The following SHROOM3 variants were observed in gnomAD, a reference collection of about 807,000 sequenced individuals.
The protein encoded by SHROOM3 is protein Shroom3.
In SHROOM3, 47 loss-of-function variants were observed where a neutral mutation model predicts 138.6. The ratio of observed to expected loss-of-function variants is 0.34; its 90% CI spans 0.27 to 0.43. The LOEUF (loss-of-function observed/expected upper bound fraction) is 0.43, where lower values mean the gene tolerates loss of function less well. Among genes scored for constraint, SHROOM3 ranks in the 20% least tolerant of loss-of-function variants. The pLI is 1.00. For synonymous variants in SHROOM3, 1,062 were observed against 1,063.3 expected (o/e 1.00, Z 0.02); for missense variants, 2,491 against 2,596.5 (o/e 0.96, Z 0.88).
chr4:76,726,369 T>C (rs1720704438), intron 3 of SHROOM3, among the ~76,000 whole-genome samples: 2 of 151,932 alleles, frequency 1.3e-5, no homozygotes, highest in South Asian at 4.2e-4. Flanking sequence ...ACTTATCTTC[T>C]CTCAAAGGCC....
At chr4:76,486,464 G>C (rs959834786) in intron 1 of SHROOM3, among the ~76,000 whole-genome samples, 11 of 152,132 alleles carry the variant, frequency 7.2e-5, no homozygotes, top group Non-Finnish European at 2.9e-5. Flanking sequence ...ATACCTGTTG[G>C]GAATAAACCC....
intron 1 of SHROOM3, among the ~76,000 whole-genome samples, chr4:76,460,700 C>T (rs1731122150): frequency 1.3e-5 from 2 of 151,582 alleles, no homozygotes; most frequent in East Asian, 3.9e-4. Context: ...CAAATTTCCT[C>T]TTAGAAGAGG....
chr4:76,729,139 C>T (rs1324941328), intron 3 of SHROOM3, among the ~76,000 whole-genome samples: 2 of 152,140 alleles, frequency 1.3e-5, no homozygotes, highest in Non-Finnish European at 2.9e-5. Flanking sequence ...TCAATAGGTT[C>T]TACTATAATC....
At chr4:76,753,210 C>G (rs1721689025) in intron 6 of SHROOM3, among the ~76,000 whole-genome samples, 1 of 152,148 alleles carries the variant, frequency 6.6e-6, no homozygotes, top group Non-Finnish European at 1.5e-5. Context: ...GGGGTTGCAT[C>G]AGAGAGAGAG....
chr4:76,453,843 C>T (rs185021633), intron 1 of SHROOM3, among the ~76,000 whole-genome samples: 9 of 152,220 alleles, frequency 5.9e-5, no homozygotes, highest in Admixed American at 1.3e-4. Flanking sequence ...TTTTACTCTG[C>T]GGATAGTGTC....
chr4:76,674,574 T>C (rs1482098755), intron 2 of SHROOM3, among the ~76,000 whole-genome samples: 1 of 146,472 alleles, frequency 6.8e-6, no homozygotes, highest in African/African-American at 2.5e-5. Flanking sequence ...TTTTTTTTTT[T>C]TTGTTTTGAC....
intron 2 of SHROOM3, among the ~76,000 whole-genome samples, chr4:76,634,790 G>C (rs1288099813): frequency 6.6e-6 from 1 of 152,058 alleles, no homozygotes; most frequent in East Asian, 1.9e-4. Context: ...TATATAAGCA[G>C]GAAAAAATGT....
intron 2 of SHROOM3, among the ~76,000 whole-genome samples, chr4:76,685,959 G>A (rs1470251236): frequency 6.6e-6 from 1 of 152,124 alleles, no homozygotes; most frequent in African/African-American, 2.4e-5. Flanking sequence ...GTGACAGAGC[G>A]AGACTCCATC....
intron 1 of SHROOM3, among the ~76,000 whole-genome samples, chr4:76,479,660 AC>A (rs1731564061): frequency 6.6e-6 from 1 of 152,076 alleles, no homozygotes; most frequent in African/African-American, 2.4e-5. Context: ...AAGAAGAACA[AC>A]CCCAAGACAC....
chr4:76,606,176 G>C (rs997633118), intron 2 of SHROOM3, among the ~76,000 whole-genome samples: 7 of 149,544 alleles, frequency 4.7e-5, no homozygotes, highest in Non-Finnish European at 1.0e-4. Context: ...ACCACGCCTA[G>C]CTAATTTTTG....
At chr4:76,517,960 T>C (rs1732477772) in intron 1 of SHROOM3, among the ~76,000 whole-genome samples, 1 of 152,244 alleles carries the variant, frequency 6.6e-6, no homozygotes, top group Non-Finnish European at 1.5e-5. Context: ...GACTTTTTCC[T>C]TACAAAGTAA....
chr4:76,531,598 A>G (rs1285076199), intron 1 of SHROOM3, among the ~76,000 whole-genome samples: 1 of 152,064 alleles, frequency 6.6e-6, no homozygotes, highest in Non-Finnish European at 1.5e-5. Flanking sequence ...TCATAATTGT[A>G]TTTTTCTCAT....
chr4:76,709,288 TAGAA>T (rs2110117003), intron 2 of SHROOM3, among the ~76,000 whole-genome samples: 1 of 152,300 alleles, frequency 6.6e-6, no homozygotes, highest in Admixed American at 6.5e-5. Flanking sequence ...CTCAGAGGCT[TAGAA>T]AAATCCTTGA....
intron 2 of SHROOM3, among the ~76,000 whole-genome samples, chr4:76,700,051 C>T (rs1047790307): frequency 2.0e-5 from 3 of 152,124 alleles, no homozygotes; most frequent in East Asian, 3.8e-4. Flanking sequence ...CGTGTCCACT[C>T]GGCATATTTT....
chr4:76,653,136 T>C (rs1560580931), intron 2 of SHROOM3, among the ~76,000 whole-genome samples: 1 of 152,174 alleles, frequency 6.6e-6, no homozygotes, highest in Non-Finnish European at 1.5e-5. Flanking sequence ...AAGTATACCA[T>C]ACAATTATAT....
At chr4:76,494,747 G>A (rs60963792) in intron 1 of SHROOM3, among the ~76,000 whole-genome samples, 16,939 of 152,164 alleles carry the variant, frequency 0.11, 1,064 homozygotes, top group South Asian at 0.2. Flanking sequence ...GGGACCTTTC[G>A]TGGTACCCTC....
rs1039201288 is a variant in SHROOM3, at chr4:76,435,796, T to C, written c.-257T>C. On this transcript the variant is annotated 5_prime_UTR_variant, in exon 1 of 11. Transcript: ENST00000296043. ...GAACGGAGTAGAGATGTATACCACT[T>C]GGGGGCTTCAGTGAGAACCCAGAAT... 23 of 456,866 alleles carry C rather than the reference T, an allele frequency of 5.0e-5. No individual in the cohort carries two copies. In the East Asian group the frequency reaches 8.8e-4, roughly 17 times the overall value. The allele number at this position is 456,866 out of a possible 1,614,324, so 28.3% of individuals were successfully genotyped here.
intron 2 of SHROOM3, among the ~76,000 whole-genome samples, chr4:76,644,567 G>GT (rs914901385): frequency 4.4e-4 from 65 of 146,870 alleles, no homozygotes; most frequent in Middle Eastern, 3.6e-3. Flanking sequence ...GACATACGGG[G>GT]TTTTTTTTTT....
intron 3 of SHROOM3, among the ~76,000 whole-genome samples, chr4:76,711,316 C>T (rs981915610): frequency 6.6e-6 from 1 of 152,112 alleles, no homozygotes; most frequent in Admixed American, 6.5e-5. Context: ...CTGAAAGAGC[C>T]GATACATGTC....
Sources: gnomAD v4.1 joint callset for allele counts (sites outside exome capture counted in the v4.1 genomes callset) on GRCh38, gnomAD v4.1.1 for gene constraint, MANE v1.5 for transcripts, NCBI Gene and HGNC (gene_info 2026-07-23, HGNC 2026-07-21) for gene names.